The following PGS1 variants were observed in gnomAD, a reference collection of about 807,000 sequenced individuals.
PGS1 encodes the protein phosphatidylglycerophosphate synthase 1, also known as CDP-diacylglycerol--glycerol-3-phosphate 3-phosphatidyltransferase, mitochondrial.
Under a neutral mutation model 58.3 loss-of-function variants are expected in PGS1, and 44 were observed. The ratio of observed to expected loss-of-function variants is 0.75; its 90% CI spans 0.59 to 0.97. PGS1 has a LOEUF of 0.97. Ranked by LOEUF, PGS1 falls within the 50% of genes least tolerant of loss-of-function variation. PGS1 has a pLI of 0.00. For missense variants in PGS1, 684 were observed against 731.1 expected, an observed-to-expected ratio of 0.94 and a Z score of 0.74; for synonymous variants, 330 against 311.0, an observed-to-expected ratio of 1.06 and a Z score of -0.64.
In PGS1 at chr17:78,405,236, G is replaced by A. The variant is rs79888467; in HGVS notation, c.1402+1147G>A. On this transcript the variant is annotated intron_variant, in intron 7 of 9. Transcript: ENST00000262764. The stretch of plus-strand genomic sequence containing the variant: ...TGGTCTCGAATGCCTGACCTTGTGA[G>A]CCACTTGTCTCAGCCTTCCACAGTG... Among the ~76,000 whole-genome samples, 483 of 150,954 alleles carry A rather than the reference G, an allele frequency of 3.2e-3. 1 individual carries two copies. The highest frequency in any genetic ancestry group is 0.011 in the African/African-American group (464 of 41,110).
chr17:78,388,885 T>G (rs2146104892), intron 1 of PGS1, among the ~76,000 whole-genome samples: 1 of 152,228 alleles, frequency 6.6e-6, no homozygotes, highest in South Asian at 2.1e-4. Flanking sequence ...TGTGTAAGTC[T>G]GTGAGGCTAC....
In PGS1 at chr17:78,419,586, C is replaced by T. The variant is rs1348033588; in HGVS notation, c.1592C>T (p.Ser531Phe). 1 of 1,614,126 alleles carries T rather than the reference C, an allele frequency of 6.2e-7. No homozygotes were observed. The highest frequency in any genetic ancestry group is 8.5e-7 in the Non-Finnish European group (1 of 1,179,978). Residue 531 changes from serine (S) to phenylalanine (F), a missense_variant, in exon 9 of 10, where the codon TCT (serine) becomes TTT (phenylalanine). Physicochemically the swap from Ser to Phe is radical, Grantham distance 155 (BLOSUM62 -2). Coordinates refer to ENST00000262764, the MANE Select transcript of PGS1 (RefSeq NM_024419.5). ...QLYLRSGVVS[S>F]ATFEQPSRQV... ...TACCTGAGGTCAGGTGTGGTGTCCT[C>T]TGCCACCTTCGAGCAGCCGAGTCGC...
chr17:78,411,707 T>TG lies in PGS1; in HGVS notation c.1403-3171dup, dbSNP rs574069862. Among the ~76,000 whole-genome samples the TG allele has an allele frequency of 2.8e-3, 431 of 152,224 alleles. 1 individual carries two copies. The highest frequency in any genetic ancestry group is 8.8e-3 in the African/African-American group (367 of 41,558). On this transcript the variant is annotated intron_variant, in intron 7 of 9. Coordinates refer to ENST00000262764, the MANE Select transcript of PGS1 (RefSeq NM_024419.5). ...CAGGCCCAAAGGTCAGGCCCTGGGATGAAGAGTCGGGCGTGATAACCAGTT... is the reference window on the plus strand; with the variant it reads ...CAGGCCCAAAGGTCAGGCCCTGGGATGGAAGAGTCGGGCGTGATAACCAGTT...
chr17:78,424,152 C>A lies in PGS1; in HGVS notation c.*102C>A. On this transcript the variant is annotated 3_prime_UTR_variant, in exon 10 of 10. Coordinates refer to ENST00000262764, the MANE Select transcript of PGS1 (RefSeq NM_024419.5). ...CTCCAGTCTGGGTGTCCCAGCGAGC[C>A]CCTGCAGGGACAGTATGGCTGAGGG... 2 of 1,609,648 alleles carry A rather than the reference C, an allele frequency of 1.2e-6. No homozygotes were observed. The highest frequency in any genetic ancestry group is 1.7e-4 in the Middle Eastern group (1 of 6,048).
rs767631724 is a variant in PGS1 at position 78,403,632 on chromosome 17, G to C, written c.945G>C (p.Arg315Ser). 14 of 1,614,046 alleles carry C rather than the reference G, an allele frequency of 8.7e-6. No individual in the cohort carries two copies. The highest frequency in any genetic ancestry group is 1.7e-5 in the Admixed American group (1 of 60,000). Residue 315 changes from arginine to serine, a missense_variant, in exon 7 of 10, where the codon AGG (arginine) becomes AGC (serine). By Grantham distance (110) the Arg-to-Ser change is moderately radical. Transcript: ENST00000262764. ...KRVMDVINSA[R>S]TRQQMLHAQT... ...TCATGGATGTGATCAACTCAGCCAGGACCCGCCAGCAGATGCTGCATGCCC... is the reference window on the plus strand; with the variant it reads ...TCATGGATGTGATCAACTCAGCCAGCACCCGCCAGCAGATGCTGCATGCCC...
In PGS1 at chr17:78,403,833, C is replaced by G. The variant is rs1349364554; in HGVS notation, c.1146C>G (p.Val382=). The G allele has an allele frequency of 6.2e-7, 1 of 1,614,270 alleles. No homozygotes were observed. Among genetic ancestry groups the G allele is most frequent in the Admixed American group, 1.7e-5 (1 of 60,034 alleles). ...CTGAGGCGGAGCGCGGGGCAAAGGT[C>G]TACCTCACCACTGGCTATTTCAACC... ...LLTEAERGAK[V]YLTTGYFNLT... The change falls in exon 7 of 10, where the codon GTC becomes GTG. Residue 382 remains valine (V), a synonymous_variant. Coordinates refer to ENST00000262764, the MANE Select transcript of PGS1 (RefSeq NM_024419.5).
At position 78,410,915 on chromosome 17, in the gene PGS1, G is replaced by A. The variant is rs188259692; in HGVS notation, c.1403-3964G>A. 1.1e-4 allele frequency among the ~76,000 whole-genome samples: 17 copies of A among 152,292 alleles called. No homozygotes were observed. The East Asian group carries it at 3.3e-3, about 29-fold the overall frequency. ...CGGGACATTGGGAATGGGTCACTGG[G>A]TACCAGACAGACTAACTCCCTGCCC... On this transcript the variant is annotated intron_variant, in intron 7 of 9. Transcript: ENST00000262764.
chr17:78,421,089 G>A (rs2085690646), intron 9 of PGS1: 1 of 152,176 alleles, frequency 6.6e-6, no homozygotes, highest in African/African-American at 2.4e-5. Context: ...TTTGAAGAAT[G>A]AACTTTATTT....
intron 7 of PGS1, among the ~76,000 whole-genome samples, chr17:78,410,507 T>C (rs1256326188): frequency 3.6e-5 from 4 of 111,406 alleles, no homozygotes; most frequent in Non-Finnish European, 6.8e-5. Flanking sequence ...GGAGTCTTGC[T>C]CTGTCACCCA....
In PGS1 at chr17:78,423,104, C is replaced by G. The variant is rs368748029; in HGVS notation, c.*11-957C>G. On this transcript the variant is annotated intron_variant, in intron 9 of 9. Transcript: ENST00000262764. ...CAAGAGTGAAACTCTCACTCTCCCT[C>G]GAAAAAAAAAAAAAATGTTGATCCT... Among the ~76,000 whole-genome samples, 35 of 78,788 alleles carry G rather than the reference C, an allele frequency of 4.4e-4. 1 individual carries two copies. In the South Asian group the frequency reaches 0.015, roughly 33 times the overall value. The allele number at this position is 78,788 out of a possible 152,430, so 51.7% of individuals were successfully genotyped here. A position where few individuals can be genotyped will look rare whatever the true frequency, so the allele number is the denominator to read the frequency against.
chr17:78,389,389 A>G (rs2146110110), intron 1 of PGS1, among the ~76,000 whole-genome samples: 1 of 151,852 alleles, frequency 6.6e-6, no homozygotes, highest in East Asian at 1.9e-4. Context: ...GTTTCACCAT[A>G]TTGGCCAGGC....
At position 78,404,076 on chromosome 17, in the gene PGS1, G is replaced by C. The variant is rs755276390; in HGVS notation, c.1389G>C (p.Thr463=). Residue 463 remains threonine, a synonymous_variant, in exon 7 of 10, where the codon ACG becomes ACC. Transcript: ENST00000262764. ...QLQEYWRRGW[T]FHAKGLWLYL... is the part of the protein sequence containing the mutation. ...AGGAGTACTGGCGGAGGGGCTGGACGTTCCACGCCAAAGGTGCGCAGCGGC... is the reference window on the plus strand; with the variant it reads ...AGGAGTACTGGCGGAGGGGCTGGACCTTCCACGCCAAAGGTGCGCAGCGGC... The C allele has an allele frequency of 4.4e-6, 7 of 1,573,902 alleles. No individual in the cohort carries two copies. The African/African-American group carries it at 9.4e-5, about 21-fold the overall frequency.
chr17:78,391,073 TG>T (rs2082789586), intron 1 of PGS1, among the ~76,000 whole-genome samples: 1 of 152,084 alleles, frequency 6.6e-6, no homozygotes, highest in African/African-American at 2.4e-5. Flanking sequence ...CCTGAGTAGT[TG>T]GGATAACAGG....
rs146020288 is a variant in PGS1 at position 78,420,324 on chromosome 17, G to A, written c.*10+649G>A. The A allele has an allele frequency of 5.0e-4, 356 of 710,020 alleles. 1 individual carries two copies. In the African/African-American group the frequency reaches 6.5e-3, roughly 13 times the overall value. The allele number at this position is 710,020 out of a possible 1,614,324, so 44.0% of individuals were successfully genotyped here. A position where few individuals can be genotyped will look rare whatever the true frequency, so the allele number is the denominator to read the frequency against. ...CAGTGGGGTCCCACAGTCACCTGAGGTACCCCTGGACTGTCTTGACGCCTA... is the reference window on the plus strand; with the variant it reads ...CAGTGGGGTCCCACAGTCACCTGAGATACCCCTGGACTGTCTTGACGCCTA... On this transcript the variant is annotated intron_variant, in intron 9 of 9. Transcript: ENST00000262764.
rs1209390416 is a variant in PGS1, at chr17:78,400,723, G to T, written c.748G>T (p.Val250Leu). The T allele has an allele frequency of 5.0e-6, 8 of 1,614,040 alleles. No homozygotes were observed. Among genetic ancestry groups the T allele is most frequent in the Non-Finnish European group, 5.1e-6 (6 of 1,179,978 alleles). The change falls in exon 6 of 10, where the codon GTG becomes TTG. Residue 250 changes from valine to leucine, a missense_variant. By Grantham distance (32) the Val-to-Leu change is conservative. Transcript: ENST00000262764. This position sits in a 1 kb window ranked among gnomAD's most constrained non-coding sequence, Gnocchi z 4.4. ...SYFTNRQDRYVFLQDCAEIAD... is the reference protein window; with the variant it reads ...SYFTNRQDRYLFLQDCAEIAD... ...CTTCACCAACCGCCAGGACCGCTAC[G>T]TGTTCCTGCAGGACTGTGCGGAGAT...
chr17:78,413,040 C>G (rs1366110206), intron 7 of PGS1, among the ~76,000 whole-genome samples: 3 of 152,184 alleles, frequency 2.0e-5, no homozygotes, highest in Admixed American at 6.5e-5. Flanking sequence ...ATCAGAGCCA[C>G]CAGGGGAAGG....
Position 78,379,787 on chromosome 17 carries a change from T to C in PGS1, c.143+979T>C, listed in dbSNP as rs368069372. Among the ~76,000 whole-genome samples the C allele has an allele frequency of 1.4e-3, 214 of 150,452 alleles. 2 individuals are homozygous for C. Among genetic ancestry groups the C allele is most frequent in the African/African-American group, 4.8e-3 (198 of 41,018 alleles). ...GAGTTTGCAGTGAGCCAAGATTGCC[T>C]CATTGCACTCCAGCCTAGGCAACAA... On this transcript the variant is annotated intron_variant, in intron 1 of 9. Transcript: ENST00000262764.
In PGS1 at chr17:78,383,970, C is replaced by T. The variant is rs79459419; in HGVS notation, c.143+5162C>T. 7.8e-3 allele frequency among the ~76,000 whole-genome samples: 1,194 copies of T among 152,224 alleles called. 11 individuals carry two copies. Among genetic ancestry groups the T allele is most frequent in the African/African-American group, 0.026 (1,087 of 41,508 alleles). ...AATAGCGTGATCTGATTTATGTAAA[C>T]GGGTCGATTTTGAGGGTGCTGGGAG... On this transcript the variant is annotated intron_variant, in intron 1 of 9. Coordinates refer to ENST00000262764, the MANE Select transcript of PGS1 (RefSeq NM_024419.5).
chr17:78,379,584 G>C (rs530291262), intron 1 of PGS1, among the ~76,000 whole-genome samples: 173 of 152,198 alleles, frequency 1.1e-3, no homozygotes, highest in Middle Eastern at 3.4e-3. Context: ...CCAGCACTTT[G>C]GGAGGCCGAG....
Sources: gnomAD v4.1 joint callset for allele counts (sites outside exome capture counted in the v4.1 genomes callset) on GRCh38, gnomAD v4.1.1 for gene constraint, Gnocchi (gnomAD v3.1) non-coding constraint, MANE v1.5 for transcripts, NCBI Gene and HGNC (gene_info 2026-07-23, HGNC 2026-07-21) for gene names.